Variants in ASB4 observed in about 807,000 individuals in gnomAD.
ASB4 encodes the protein ankyrin repeat and SOCS box containing 4.
A neutral mutation model predicts 38.6 loss-of-function variants in ASB4; 35 were observed. The ratio of observed to expected loss-of-function variants is 0.91; its 90% CI spans 0.69 to 1.20. The LOEUF (loss-of-function observed/expected upper bound fraction) is 1.20. ASB4 is among the 50% of genes most tolerant of loss of function. The probability of loss-of-function intolerance (pLI) is 0.00; values close to 1 mark genes in which losing one functional copy is unlikely to be tolerated. For synonymous variants in ASB4, 195 were observed against 201.3 expected, an observed-to-expected ratio of 0.97 and a Z score of 0.26; for missense variants, 557 against 527.2, an observed-to-expected ratio of 1.06 and a Z score of -0.55.
At chr7:95,519,159 G>A (rs1217926085) in intron 2 of ASB4, among the ~76,000 whole-genome samples, 1 of 152,132 alleles carries the variant, frequency 6.6e-6, no homozygotes, top group Non-Finnish European at 1.5e-5. Flanking sequence ...ATTTGCCATA[G>A]AATGTAGACT....
At chr7:95,508,326 C>T (rs1476820919) in intron 2 of ASB4, among the ~76,000 whole-genome samples, 1 of 151,580 alleles carries the variant, frequency 6.6e-6, no homozygotes, top group Non-Finnish European at 1.5e-5. Context: ...GGAAGCTTCC[C>T]TTTGAAGGGC....
At chr7:95,514,282 C>T (rs1414122835) in intron 2 of ASB4, among the ~76,000 whole-genome samples, 1 of 152,180 alleles carries the variant, frequency 6.6e-6, no homozygotes, top group Non-Finnish European at 1.5e-5. Flanking sequence ...ACAGTACAAT[C>T]CTTCTAGATT....
Position 95,495,986 on chromosome 7 carries a change from G to A in ASB4, c.416G>A (p.Ser139Asn). The A allele has an allele frequency of 6.2e-7, 1 of 1,614,098 alleles. No homozygotes were observed. Among genetic ancestry groups the A allele is most frequent in the Non-Finnish European group, 8.5e-7 (1 of 1,179,974 alleles). The change falls in exon 2 of 5, where the codon AGT becomes AAT. Residue 139 changes from serine (S) to asparagine (N), a missense_variant. Ser to Asn is a conservative substitution (Grantham distance 46). Coordinates refer to ENST00000325885, the MANE Select transcript of ASB4 (RefSeq NM_016116.3). Reference sequence around the variant, plus strand: ...GCAAAGCTCAATTGCTACTCCTTAAGTGGACACACAGCTTTGCACTTTTGT... The same window carrying A: ...GCAAAGCTCAATTGCTACTCCTTAAATGGACACACAGCTTTGCACTTTTGT... ...RGAKLNCYSLSGHTALHFCTT... is the reference protein window; with the variant it reads ...RGAKLNCYSLNGHTALHFCTT...
intron 3 of ASB4, among the ~76,000 whole-genome samples, chr7:95,536,229 T>A (rs1177192796): frequency 6.6e-6 from 1 of 152,170 alleles, no homozygotes. Flanking sequence ...CTGGTTTTTT[T>A]TTTACAGATA....
the ASB4 span, among the ~76,000 whole-genome samples, chr7:95,547,781 A>T: frequency 1.3e-5 from 2 of 152,208 alleles, no homozygotes; most frequent in African/African-American, 4.8e-5. Context: ...ATGCCTTACA[A>T]GAAAAAGACT....
intron 3 of ASB4, among the ~76,000 whole-genome samples, chr7:95,531,555 T>C (rs1174024256): frequency 1.3e-5 from 2 of 152,206 alleles, no homozygotes; most frequent in Non-Finnish European, 2.9e-5. Context: ...GCCATGGGCA[T>C]GGTAACCATT....
intron 2 of ASB4, among the ~76,000 whole-genome samples, chr7:95,517,900 T>C (rs909843666): frequency 2.0e-5 from 3 of 152,088 alleles, no homozygotes; most frequent in African/African-American, 7.2e-5. Context: ...AAAGCTTAAG[T>C]ATGCTTAGAA....
chr7:95,512,943 G>A (rs1459738698), intron 2 of ASB4, among the ~76,000 whole-genome samples: 1 of 152,212 alleles, frequency 6.6e-6, no homozygotes, highest in Non-Finnish European at 1.5e-5. Flanking sequence ...CTTTGCAGAT[G>A]TGATTAAATT....
chr7:95,508,770 A>T (rs1790443148), intron 2 of ASB4, among the ~76,000 whole-genome samples: 2 of 152,178 alleles, frequency 1.3e-5, no homozygotes, highest in Admixed American at 1.3e-4. Context: ...ATGATAAAAT[A>T]TGGAACTAAG....
At chr7:95,485,859 C>A, upstream of ASB4, 2 of 847,554 alleles carry the variant, frequency 2.4e-6, no homozygotes, top group Non-Finnish European at 3.6e-6. Context: ...AACGGATCAG[C>A]ATAACTTTGG....
chr7:95,507,894 A>G (rs1790431756), intron 2 of ASB4, among the ~76,000 whole-genome samples: 1 of 152,164 alleles, frequency 6.6e-6, no homozygotes, highest in Admixed American at 6.6e-5. Flanking sequence ...AGTGACATGG[A>G]TGGAACTGAA....
chr7:95,477,752 C>G (rs1448766473), upstream of ASB4, among the ~76,000 whole-genome samples: 1 of 129,606 alleles, frequency 7.7e-6, no homozygotes, highest in Non-Finnish European at 1.6e-5. Context: ...TTTTTTTTTG[C>G]TATAATTCTG....
chr7:95,492,116 G>C (rs1790180240), intron 1 of ASB4, among the ~76,000 whole-genome samples: 2 of 152,198 alleles, frequency 1.3e-5, no homozygotes, highest in Admixed American at 6.5e-5. Flanking sequence ...GAGGTGAGTT[G>C]TAACCACAAC....
the ASB4 span, among the ~76,000 whole-genome samples, chr7:95,545,631 T>C: frequency 1.3e-5 from 2 of 152,240 alleles, no homozygotes; most frequent in African/African-American, 4.8e-5. Context: ...GTTTTTGTTT[T>C]GCTTCTTCGT....
chr7:95,550,865 A>G, the ASB4 span, among the ~76,000 whole-genome samples: 1 of 152,166 alleles, frequency 6.6e-6, no homozygotes, highest in African/African-American at 2.4e-5. Context: ...CATGTACAGG[A>G]TGTCTTTCCA....
intron 3 of ASB4, among the ~76,000 whole-genome samples, chr7:95,536,181 G>A (rs752633778): frequency 1.5e-4 from 23 of 152,024 alleles, no homozygotes; most frequent in African/African-American, 3.6e-4. Context: ...TCTGAAAATC[G>A]TTTTAGCATT....
chr7:95,499,927 G>A (rs1411931910), intron 2 of ASB4, among the ~76,000 whole-genome samples: 1 of 137,150 alleles, frequency 7.3e-6, no homozygotes, highest in African/African-American at 2.8e-5. Flanking sequence ...GGGCTGGAGT[G>A]CAGTGGTGCG....
upstream of ASB4, among the ~76,000 whole-genome samples, chr7:95,475,744 A>G (rs572035773): frequency 6.6e-6 from 1 of 152,142 alleles, no homozygotes; most frequent in South Asian, 2.1e-4. Context: ...TCTTTATAAA[A>G]CCAAATCATG....
the ASB4 span, among the ~76,000 whole-genome samples, chr7:95,546,559 C>T: frequency 0.013 from 1,924 of 152,202 alleles, 26 homozygotes; most frequent in Middle Eastern, 0.037. Context: ...TTTACACCTA[C>T]GGCAGACAAT....
Sources: gnomAD v4.1 joint callset for allele counts (sites outside exome capture counted in the v4.1 genomes callset) on GRCh38, gnomAD v4.1.1 for gene constraint, MANE v1.5 for transcripts, NCBI Gene and HGNC (gene_info 2026-07-23, HGNC 2026-07-21) for gene names.